The following PRR16 variants were observed in gnomAD, a reference collection of about 807,000 sequenced individuals.
PRR16 encodes the protein proline rich 16, also known as protein Largen.
PRR16 carries 6 observed loss-of-function variants against 18.2 expected under a neutral mutation model. The ratio of observed to expected loss-of-function variants is 0.33; its 90% CI spans 0.18 to 0.65. The LOEUF is 0.65. Among genes scored for constraint, PRR16 ranks in the 30% least tolerant of loss-of-function variants. PRR16 has a pLI of 0.74. For missense variants in PRR16, 412 were observed against 376.6 expected, an observed-to-expected ratio of 1.09 and a Z score of -0.78; for synonymous variants, 151 against 147.8, an observed-to-expected ratio of 1.02 and a Z score of -0.16.
chr5:120,770,692 T>TA, the PRR16 span, among the ~76,000 whole-genome samples: 3 of 152,068 alleles, frequency 2.0e-5, no homozygotes, highest in Middle Eastern at 3.4e-3. Context: ...GGTTGATTTA[T>TA]AAAAAATATA....
chr5:120,707,221 T>G, the PRR16 span, among the ~76,000 whole-genome samples: 27 of 152,304 alleles, frequency 1.8e-4, 1 homozygote, highest in Middle Eastern at 0.01. Flanking sequence ...AGTTACTTAC[T>G]AAGAGCCTGA....
At chr5:120,719,146 TATC>T in the PRR16 span, among the ~76,000 whole-genome samples, 1,893 of 152,232 alleles carry the variant, frequency 0.012, 34 homozygotes, top group African/African-American at 0.042. Context: ...ACAAGTAAAA[TATC>T]ATTGTTATAT....
intron 1 of PRR16, among the ~76,000 whole-genome samples, chr5:120,640,508 A>T (rs889033463): frequency 6.6e-6 from 1 of 152,124 alleles, no homozygotes; most frequent in Non-Finnish European, 1.5e-5. Flanking sequence ...GTAATTCACC[A>T]TCAGTGAAGT....
intron 1 of PRR16, among the ~76,000 whole-genome samples, chr5:120,651,611 T>A (rs185825636): frequency 6.6e-6 from 1 of 152,200 alleles, no homozygotes; most frequent in Non-Finnish European, 1.5e-5. Context: ...CTTGTTTTTG[T>A]CAGGTTTGTC....
chr5:120,693,743 G>T, the PRR16 span, among the ~76,000 whole-genome samples: 1 of 150,400 alleles, frequency 6.6e-6, no homozygotes, highest in Admixed American at 6.6e-5. Flanking sequence ...ACACAGAGTG[G>T]GTTACACACA....
chr5:120,627,055 C>T (rs2112831853), intron 1 of PRR16, among the ~76,000 whole-genome samples: 1 of 152,224 alleles, frequency 6.6e-6, no homozygotes, highest in South Asian at 2.1e-4. Flanking sequence ...GGGTGAGTAA[C>T]TAATACACTT....
At chr5:120,670,177 A>G (rs779237688) in intron 1 of PRR16, among the ~76,000 whole-genome samples, 4 of 152,112 alleles carry the variant, frequency 2.6e-5, no homozygotes, top group African/African-American at 4.8e-5. Flanking sequence ...AGAAGTTAGA[A>G]AAAATATTCT....
the PRR16 span, among the ~76,000 whole-genome samples, chr5:120,785,572 G>GGTTTTTTTTTTTTTTTT: frequency 8.3e-6 from 1 of 119,952 alleles, no homozygotes; most frequent in East Asian, 2.2e-4. Flanking sequence ...TTTTGTTGTT[G>GGTTTTTTTTTTTTTTTT]TTGTTTTTTT....
chr5:120,691,608 A>G (rs1313295066), downstream of PRR16, among the ~76,000 whole-genome samples: 1 of 152,158 alleles, frequency 6.6e-6, no homozygotes. Context: ...ATTGACCCCT[A>G]AAGCCAAAAG....
At chr5:120,748,256 T>C in the PRR16 span, among the ~76,000 whole-genome samples, 3 of 152,236 alleles carry the variant, frequency 2.0e-5, no homozygotes, top group East Asian at 5.8e-4. Flanking sequence ...GTGAGGTTGA[T>C]GATTTTTAAA....
chr5:120,537,951 T>A (rs1457556258), intron 1 of PRR16, among the ~76,000 whole-genome samples: 1 of 151,506 alleles, frequency 6.6e-6, no homozygotes, highest in Non-Finnish European at 1.5e-5. Flanking sequence ...TAATTTTTTG[T>A]ATTTTTAGTA....
At chr5:120,720,295 T>A in the PRR16 span, among the ~76,000 whole-genome samples, 1 of 152,000 alleles carries the variant, frequency 6.6e-6, no homozygotes, top group Non-Finnish European at 1.5e-5. Flanking sequence ...ATCATTCTTC[T>A]TTTTGAATTT....
chr5:120,518,464 G>A (rs975837496), intron 1 of PRR16, among the ~76,000 whole-genome samples: 11 of 152,056 alleles, frequency 7.2e-5, no homozygotes, highest in African/African-American at 2.4e-4. Flanking sequence ...ATGGAAACTG[G>A]TACCCAAATG....
chr5:120,740,205 C>G, the PRR16 span, among the ~76,000 whole-genome samples: 1 of 152,096 alleles, frequency 6.6e-6, no homozygotes, highest in Non-Finnish European at 1.5e-5. Context: ...TGCCCTGGTT[C>G]ATTTCTCTTC....
chr5:120,716,494 C>G, the PRR16 span, among the ~76,000 whole-genome samples: 182 of 152,268 alleles, frequency 1.2e-3, no homozygotes, highest in African/African-American at 4.3e-3. Flanking sequence ...ATCACCAGCC[C>G]TAGCCCTTTA....
intron 1 of PRR16, among the ~76,000 whole-genome samples, chr5:120,667,305 C>A (rs963747821): frequency 9.3e-5 from 14 of 150,120 alleles, no homozygotes; most frequent in African/African-American, 3.2e-4. Flanking sequence ...GTGATATCCC[C>A]TTTATCATTT....
At chr5:120,728,043 T>C in the PRR16 span, among the ~76,000 whole-genome samples, 2 of 151,950 alleles carry the variant, frequency 1.3e-5, no homozygotes, top group Non-Finnish European at 2.9e-5. Context: ...GTTTGTGATA[T>C]AATATCACAT....
chr5:120,672,933 A>G (rs1463068293), intron 1 of PRR16, among the ~76,000 whole-genome samples: 3 of 152,128 alleles, frequency 2.0e-5, no homozygotes, highest in South Asian at 2.1e-4. Flanking sequence ...TTGTACATCT[A>G]TTAGGTTACT....
the PRR16 span, among the ~76,000 whole-genome samples, chr5:120,753,629 A>C: frequency 6.6e-6 from 1 of 151,198 alleles, no homozygotes; most frequent in Non-Finnish European, 1.5e-5. Context: ...GATAGTGATG[A>C]ATTAGGTATA....
Sources: allele counts gnomAD v4.1 joint callset (sites outside exome capture counted in the v4.1 genomes callset), GRCh38; gene constraint gnomAD v4.1.1; transcripts MANE v1.5; gene names NCBI Gene and HGNC (gene_info 2026-07-23, HGNC 2026-07-21).